The following MESP1 variants were observed in gnomAD, a reference collection of about 807,000 sequenced individuals.
MESP1 encodes mesoderm posterior protein 1.
In MESP1, 22 loss-of-function variants were observed where a neutral mutation model predicts 15.2. The observed-to-expected ratio is 1.45, with a 90% CI of 1.04 to 2.07. The LOEUF is 2.07. Ranked by LOEUF, MESP1 falls within the 30% of genes most tolerant of loss-of-function variation. The pLI is 0.00. For missense variants in MESP1, 484 were observed against 411.9 expected (o/e 1.17, Z -1.51); for synonymous variants, 216 against 192.6 (o/e 1.12, Z -1.01).
At chr15:89,733,104 C>A in the MESP1 span, 1 of 1,614,170 alleles carries the variant, frequency 6.2e-7, no homozygotes, top group Non-Finnish European at 8.5e-7. Context: ...GAATATGTAT[C>A]CTGAAGGTCA....
Position 89,750,823 on chromosome 15 carries a change from ACAGG to A in MESP1, c.405_408del (p.Leu136ArgfsTer4). ...TCCTCGCTGAGGCCTAGCACGGCCG[ACAGG>A]TGGCCGATATAGCGGATAGCCAGGC... On this transcript the variant is annotated frameshift_variant, in exon 1 of 2. Transcript: ENST00000300057. LOFTEE classifies it high-confidence loss of function. 6.5e-7 allele frequency: 1 copy of A among 1,531,124 alleles called. No individual in the cohort carries two copies. The highest frequency in any genetic ancestry group is 1.7e-4 in the Middle Eastern group (1 of 5,886). 94.8% of individuals were successfully genotyped at this position (1,531,124 alleles called of 1,614,324 possible). A position where few individuals can be genotyped will look rare whatever the true frequency, so the allele number is the denominator to read the frequency against.
the MESP1 span, among the ~76,000 whole-genome samples, chr15:89,736,935 G>C: frequency 6.6e-6 from 1 of 152,104 alleles, no homozygotes; most frequent in African/African-American, 2.4e-5. Flanking sequence ...GGGACTACAG[G>C]TGCCCGCTAG....
downstream of MESP1, chr15:89,749,454 A>C (rs1968037581): frequency 6.6e-6 from 1 of 152,238 alleles, no homozygotes; most frequent in Admixed American, 6.6e-5. Context: ...GCAAAATCCC[A>C]CAAGAGCTGA....
chr15:89,740,554 T>C, the MESP1 span, among the ~76,000 whole-genome samples: 1 of 152,196 alleles, frequency 6.6e-6, no homozygotes, highest in African/African-American at 2.4e-5. Context: ...CAGGCTGAAG[T>C]GCACTGGCGC....
In MESP1 at chr15:89,750,734, G is replaced by A. The variant is rs1352978146; in HGVS notation, c.498C>T (p.Cys166=). The change falls in exon 1 of 2, where the codon TGC becomes TGT. Residue 166 remains cysteine, a synonymous_variant. Coordinates refer to ENST00000300057, the MANE Select transcript of MESP1 (RefSeq NM_018670.4). ...GCATCTGCGCGGGGCAGTCGTCGGG[G>A]CACAGCGGGCAGCCCCGAGGGGACC... The part of the protein sequence containing the change: ...DAGSPRGCPL[C]PDDCPAQMQT... The A allele has an allele frequency of 2.1e-6, 3 of 1,425,598 alleles. No homozygotes were observed. Among genetic ancestry groups the A allele is most frequent in the African/African-American group, 1.5e-5 (1 of 67,808 alleles). 88.3% of individuals were successfully genotyped at this position (1,425,598 alleles called of 1,614,324 possible).
At chr15:89,733,707 TAG>T in the MESP1 span, among the ~76,000 whole-genome samples, 1 of 152,274 alleles carries the variant, frequency 6.6e-6, no homozygotes, top group East Asian at 1.9e-4. Context: ...CGGGACTCTC[TAG>T]AGAGTCCCCA....
At chr15:89,748,479 C>T (rs1046777096), downstream of MESP1, among the ~76,000 whole-genome samples, 4 of 152,244 alleles carry the variant, frequency 2.6e-5, no homozygotes, top group Non-Finnish European at 5.9e-5. Flanking sequence ...GAAGTGATCT[C>T]TGAAGCAGTT....
chr15:89,743,326 G>A, the MESP1 span: 1 of 1,614,210 alleles, frequency 6.2e-7, no homozygotes, highest in Non-Finnish European at 8.5e-7. Context: ...AGAGAAGGAG[G>A]AGGAGCACTG....
Position 89,751,017 on chromosome 15 carries a change from C to A in MESP1, c.215G>T (p.Arg72Leu). 7.4e-7 allele frequency: 1 copy of A among 1,356,846 alleles called. No homozygotes were observed. The highest frequency in any genetic ancestry group is 9.4e-7 in the Non-Finnish European group (1 of 1,062,806). 84.1% of individuals were successfully genotyped at this position (1,356,846 alleles called of 1,614,324 possible). A position where few individuals can be genotyped will look rare whatever the true frequency, so the allele number is the denominator to read the frequency against. Residue 72 changes from arginine to leucine, a missense_variant, in exon 1 of 2, where the codon CGC (arginine) becomes CTC (leucine). Physicochemically the swap from Arg to Leu is moderately radical, Grantham distance 102 (BLOSUM62 -2). Coordinates refer to ENST00000300057, the MANE Select transcript of MESP1 (RefSeq NM_018670.4). ...GCCCAGGCGGCTGCTGCGCGCGCCGCGCCTACCTACGGAGGGGGCGCGGGG... is the reference window on the plus strand; with the variant it reads ...GCCCAGGCGGCTGCTGCGCGCGCCGAGCCTACCTACGGAGGGGGCGCGGGG... ...RDPRAPSVGR[R>L]GARSSRLGSG...
downstream of MESP1, among the ~76,000 whole-genome samples, chr15:89,746,355 ACATCCACACAG>A (rs1567139025): frequency 1.2e-3 from 168 of 135,776 alleles, 1 homozygote; most frequent in African/African-American, 4.9e-3. Context: ...ACACATCCAC[ACATCCACACAG>A]CATCCACACC....
At chr15:89,747,101 TACACACACACACACACACACACACACAC>T (rs539868537), downstream of MESP1, among the ~76,000 whole-genome samples, 3 of 127,580 alleles carry the variant, frequency 2.4e-5, no homozygotes, top group East Asian at 2.5e-4. Context: ...CACTGCCACA[TACACACACACACACACACACACACACAC>T]ACACACACAC....
At chr15:89,737,436 T>A in the MESP1 span, 4 of 1,177,294 alleles carry the variant, frequency 3.4e-6, no homozygotes, top group Admixed American at 4.4e-5. Context: ...CAGCCCTGGA[T>A]GGATCCAGAG....
the MESP1 span, among the ~76,000 whole-genome samples, chr15:89,732,667 TC>T: frequency 6.6e-6 from 1 of 151,374 alleles, no homozygotes; most frequent in Non-Finnish European, 1.5e-5. Flanking sequence ...CAGCTGTGCC[TC>T]CCCCTGCCCA....
intron 1 of MESP1, 56 bp downstream of exon 1, chr15:89,750,453 G>A (rs906228499): frequency 2.7e-6 from 4 of 1,466,268 alleles, no homozygotes; most frequent in Non-Finnish European, 3.6e-6. Flanking sequence ...CTTGGCGGGC[G>A]GTGGGGCTGT....
At chr15:89,737,692 T>A in the MESP1 span, 3 of 1,614,088 alleles carry the variant, frequency 1.9e-6, no homozygotes, top group East Asian at 4.5e-5. Context: ...AGCCAGTGTT[T>A]GCTGTGTCTC....
chr15:89,743,336 G>A, the MESP1 span: 1 of 1,614,210 alleles, frequency 6.2e-7, no homozygotes, highest in Non-Finnish European at 8.5e-7. Context: ...GAGGAGCACT[G>A]GGCCCGGCTT....
chr15:89,750,604 C>G lies in MESP1; in HGVS notation c.628G>C (p.Ala210Pro), dbSNP rs757554727. The part of the protein sequence containing the change: ...SWGSPPACPG[A>P]RAAPEPRDPP... ...TCGCGCGGCTCGGGTGCAGCTCGGG[C>G]TCCGGGGCAGGCAGGCGGGGATCCC... Residue 210 changes from alanine (A) to proline (P), a missense_variant, in exon 1 of 2, where the codon GCC becomes CCC. Ala to Pro is a conservative substitution (Grantham distance 27). Coordinates refer to ENST00000300057, the MANE Select transcript of MESP1 (RefSeq NM_018670.4). 1.4e-6 allele frequency: 2 copies of G among 1,398,486 alleles called. No homozygotes were observed. Among genetic ancestry groups the G allele is most frequent in the Non-Finnish European group, 9.2e-7 (1 of 1,085,216 alleles). 86.6% of individuals were successfully genotyped at this position (1,398,486 alleles called of 1,614,324 possible). A position where few individuals can be genotyped will look rare whatever the true frequency, so the allele number is the denominator to read the frequency against.
downstream of MESP1, chr15:89,748,945 T>C (rs1003572220): frequency 4.6e-5 from 7 of 152,248 alleles, no homozygotes; most frequent in African/African-American, 1.7e-4. Context: ...AAGCCTGTGT[T>C]TCAGACACTT....
chr15:89,745,753 G>A (rs1433935684), downstream of MESP1, among the ~76,000 whole-genome samples: 4 of 151,812 alleles, frequency 2.6e-5, no homozygotes, highest in African/African-American at 9.7e-5. This position sits in a 1 kb window ranked among gnomAD's most constrained non-coding sequence, Gnocchi z 4.8. Flanking sequence ...GAAAGAGCGA[G>A]ACTCTGTGTC....
Sources: gnomAD v4.1 joint callset for allele counts (sites outside exome capture counted in the v4.1 genomes callset) on GRCh38, gnomAD v4.1.1 for gene constraint, Gnocchi (gnomAD v3.1) non-coding constraint, MANE v1.5 for transcripts, NCBI Gene and HGNC (gene_info 2026-07-23, HGNC 2026-07-21) for gene names.